Variants in MSMO1 observed in about 807,000 individuals in gnomAD.
MSMO1 encodes the protein C-4 methylsterol oxidase.
MSMO1 carries 18 observed loss-of-function variants against 30.4 expected under a neutral mutation model. The ratio of observed to expected loss-of-function variants is 0.59; its 90% CI spans 0.41 to 0.88. MSMO1 has a LOEUF of 0.88. Ranked by LOEUF, MSMO1 falls within the 40% of genes least tolerant of loss-of-function variation. The pLI, the probability that MSMO1 is intolerant of heterozygous loss-of-function variation, is 0.00. For synonymous variants in MSMO1, 84 were observed against 107.9 expected (o/e 0.78, Z 1.37); for missense variants, 284 against 340.5 (o/e 0.83, Z 1.31).
At chr4:165,331,932 C>T (rs572681354) in intron 1 of MSMO1, among the ~76,000 whole-genome samples, 82 of 148,126 alleles carry the variant, frequency 5.5e-4, no homozygotes, top group East Asian at 5.0e-3. Context: ...TACCCCGCCG[C>T]GCTCTGTCTT....
chr4:165,329,625 A>ATTTTTTTTTTTTTTTT lies in MSMO1; in HGVS notation c.-32+1873_-32+1888dup, dbSNP rs1171733863. Among the ~76,000 whole-genome samples, 21 of 68,004 alleles carry ATTTTTTTTTTTTTTTT rather than the reference A, an allele frequency of 3.1e-4. 6 individuals carry two copies. Among genetic ancestry groups the ATTTTTTTTTTTTTTTT allele is most frequent in the African/African-American group, 1.3e-3 (19 of 15,150 alleles). 44.6% of individuals were successfully genotyped at this position (68,004 alleles called of 152,430 possible). ...ATTTGGCAGCTGGAGATCCATAGCGATTTTTTTTTTTTTTTTTTTTTTTTT... is the reference window on the plus strand; with the variant it reads ...ATTTGGCAGCTGGAGATCCATAGCGATTTTTTTTTTTTTTTTTTTTTTTTTTTTTTTTTTTTTTTTT... On this transcript the variant is annotated intron_variant, in intron 1 of 5. Coordinates refer to ENST00000261507, the MANE Select transcript of MSMO1 (RefSeq NM_006745.5).
intron 4 of MSMO1, among the ~76,000 whole-genome samples, chr4:165,339,604 G>T (rs962072269): frequency 1.3e-5 from 2 of 152,086 alleles, no homozygotes; most frequent in African/African-American, 4.8e-5. Context: ...TATATCCCTA[G>T]ACTTTTGATG....
At chr4:165,340,493 A>G in intron 5 of MSMO1, 118 bp downstream of exon 5, 2 of 859,850 alleles carry the variant, frequency 2.3e-6, no homozygotes, top group Non-Finnish European at 3.7e-6. Flanking sequence ...TTAATGTTAT[A>G]TTAAGAAAAC....
chr4:165,341,802 T>A lies in MSMO1; in HGVS notation c.738T>A (p.Gly246=), dbSNP rs548317847. The change falls in exon 6 of 6, where the codon GGT becomes GGA. Residue 246 remains glycine, a synonymous_variant. Transcript: ENST00000261507. ...NPLNLIPFYA[G]SRHHDFHHMN... The stretch of plus-strand genomic sequence containing the variant: ...TAAATCTGATCCCTTTCTATGCTGG[T>A]TCTCGGCATCATGATTTCCACCACA... 18 of 1,613,712 alleles carry A rather than the reference T, an allele frequency of 1.1e-5. No individual in the cohort carries two copies. In the East Asian group the frequency reaches 3.3e-4, roughly 30 times the overall value.
At chr4:165,332,746 T>G (rs953239691) in intron 1 of MSMO1, among the ~76,000 whole-genome samples, 3 of 152,218 alleles carry the variant, frequency 2.0e-5, no homozygotes, top group Non-Finnish European at 1.5e-5. Flanking sequence ...TAGTGACCAT[T>G]TGCCTTTATT....
At chr4:165,329,498 T>C (rs1443759009) in intron 1 of MSMO1, among the ~76,000 whole-genome samples, 1 of 150,328 alleles carries the variant, frequency 6.7e-6, no homozygotes, top group Non-Finnish European at 1.5e-5. Flanking sequence ...TGAATGCATT[T>C]AAGTTCCAAG....
At chr4:165,329,232 G>T (rs1014953796) in intron 1 of MSMO1, among the ~76,000 whole-genome samples, 3 of 151,964 alleles carry the variant, frequency 2.0e-5, no homozygotes, top group African/African-American at 7.3e-5. Context: ...TTCTCTCTAT[G>T]CAAAACCCCT....
chr4:165,330,357 G>C (rs1228439357), intron 1 of MSMO1, among the ~76,000 whole-genome samples: 2 of 152,212 alleles, frequency 1.3e-5, no homozygotes. Context: ...GGCACAGAAA[G>C]TGCCCAATAA....
At chr4:165,336,830 A>G (rs1219259338) in intron 2 of MSMO1, among the ~76,000 whole-genome samples, 1 of 152,196 alleles carries the variant, frequency 6.6e-6, no homozygotes, top group Non-Finnish European at 1.5e-5. Context: ...TTTGTCAGGA[A>G]GATAACCCTT....
intron 1 of MSMO1, among the ~76,000 whole-genome samples, 159 bp from the exon 2 acceptor site, chr4:165,333,181 G>A (rs1560847511): frequency 6.6e-6 from 1 of 152,098 alleles, no homozygotes; most frequent in African/African-American, 2.4e-5. Context: ...TTTTAAAATG[G>A]TGTAAAACCA....
chr4:165,333,489 T>C lies in MSMO1; in HGVS notation c.119T>C (p.Met40Thr), dbSNP rs1273128870. Residue 40 changes from methionine to threonine, a missense_variant, in exon 2 of 6, where the codon ATG becomes ACG. Coordinates refer to ENST00000261507, the MANE Select transcript of MSMO1 (RefSeq NM_006745.5). ...CCATTTAAAAATGCTTGGAACTATA[T>C]GTTGAATAATTATACAAAGTTCCAG... ...QEPFKNAWNY[M>T]LNNYTKFQIA... The C allele has an allele frequency of 1.2e-6, 2 of 1,613,674 alleles. No homozygotes were observed. The highest frequency in any genetic ancestry group is 1.7e-6 in the Non-Finnish European group (2 of 1,179,798).
intron 1 of MSMO1, among the ~76,000 whole-genome samples, chr4:165,331,417 C>CTT (rs773396355): frequency 3.9e-5 from 6 of 152,104 alleles, no homozygotes; most frequent in Admixed American, 2.6e-4. Flanking sequence ...TGGACAAGTT[C>CTT]TTGAGGTAAG....
At chr4:165,328,970 G>C (rs576494848) in intron 1 of MSMO1, among the ~76,000 whole-genome samples, 1 of 152,280 alleles carries the variant, frequency 6.6e-6, no homozygotes, top group South Asian at 2.1e-4. Flanking sequence ...CCTGTTGAGT[G>C]AGTTCATGTG....
At chr4:165,338,029 A>G in intron 3 of MSMO1, 92 bp downstream of exon 3, 1 of 1,213,880 alleles carries the variant, frequency 8.2e-7, no homozygotes, top group African/African-American at 1.5e-5. Context: ...ATTTTAGTTA[A>G]TGTTTGTTCT....
At chr4:165,336,760 C>T (rs1035415585) in intron 2 of MSMO1, among the ~76,000 whole-genome samples, 2 of 152,204 alleles carry the variant, frequency 1.3e-5, no homozygotes, top group African/African-American at 4.8e-5. Flanking sequence ...TGGTGAGTAG[C>T]AGCCCTGGTA....
At chr4:165,335,382 TAGG>T (rs1560848562) in intron 2 of MSMO1, among the ~76,000 whole-genome samples, 2 of 152,018 alleles carry the variant, frequency 1.3e-5, no homozygotes, top group Admixed American at 6.6e-5. Flanking sequence ...AAATAAAAAA[TAGG>T]AGGGCCAAAG....
intron 1 of MSMO1, among the ~76,000 whole-genome samples, chr4:165,332,290 T>C (rs1255477933): frequency 1.3e-5 from 2 of 152,252 alleles, no homozygotes; most frequent in African/African-American, 4.8e-5. Context: ...GGATTAACAC[T>C]GTATCTTAGA....
chr4:165,339,881 A>T (rs1747668636), intron 4 of MSMO1, among the ~76,000 whole-genome samples: 1 of 152,160 alleles, frequency 6.6e-6, no homozygotes, highest in African/African-American at 2.4e-5. Context: ...TCCAGGTAAG[A>T]ATTGTTGCAG....
intron 3 of MSMO1, 75 bp downstream of exon 3, chr4:165,338,012 T>G (rs1360100826): frequency 3.7e-6 from 5 of 1,359,412 alleles, no homozygotes; most frequent in Non-Finnish European, 5.2e-6. Context: ...GTTTACCCGT[T>G]TTCTTAATTT....
Sources: allele counts gnomAD v4.1 joint callset (sites outside exome capture counted in the v4.1 genomes callset), GRCh38; gene constraint gnomAD v4.1.1; transcripts MANE v1.5; gene names NCBI Gene and HGNC (gene_info 2026-07-23, HGNC 2026-07-21).